Variants in PCDH9 observed in about 807,000 individuals in gnomAD.
PCDH9 encodes the protein protocadherin-9.
PCDH9 carries 24 observed loss-of-function variants against 70.6 expected under a neutral mutation model. That is an observed-to-expected ratio of 0.34 (90% CI 0.25 to 0.48). PCDH9 has a LOEUF of 0.48. Among genes scored for constraint, PCDH9 ranks in the 20% least tolerant of loss-of-function variants. PCDH9 has a pLI of 0.99. For synonymous variants in PCDH9, 562 were observed against 558.5 expected, an observed-to-expected ratio of 1.01 and a Z score of -0.09; for missense variants, 1,281 against 1,503.6, an observed-to-expected ratio of 0.85 and a Z score of 2.45.
At position 67,167,015 on chromosome 13, in the gene PCDH9, C is replaced by T. The variant is rs117775014; in HGVS notation, c.3036+58390G>A. 1.6e-3 allele frequency among the ~76,000 whole-genome samples: 241 copies of T among 152,280 alleles called. 2 individuals carry two copies. Among genetic ancestry groups the T allele is most frequent in the Admixed American group, 4.8e-3 (73 of 15,294 alleles). On this transcript the variant is annotated intron_variant, in intron 2 of 4. Coordinates refer to ENST00000377865, the MANE Select transcript of PCDH9 (RefSeq NM_203487.3). ...TTAGATCTGACTTCTTGTTCTACAA[C>T]GATAACCTTCCTTGTTATATCTTAC...
chr13:66,589,920 A>T (rs1303487331), intron 4 of PCDH9, among the ~76,000 whole-genome samples: 3 of 152,062 alleles, frequency 2.0e-5, no homozygotes, highest in African/African-American at 7.2e-5. Flanking sequence ...TTTTTCTTTT[A>T]AATATTAGTA....
At chr13:66,737,228 G>C (rs1310219465) in intron 3 of PCDH9, among the ~76,000 whole-genome samples, 2 of 151,916 alleles carry the variant, frequency 1.3e-5, no homozygotes, top group East Asian at 3.9e-4. Flanking sequence ...ATAAAAACAC[G>C]TGATTGCTTG....
chr13:67,103,644 A>C (rs980237561), intron 2 of PCDH9, among the ~76,000 whole-genome samples: 8 of 152,126 alleles, frequency 5.3e-5, no homozygotes, highest in Non-Finnish European at 7.3e-5. Flanking sequence ...ATAAACCTAT[A>C]CTACTTTTAC....
At chr13:66,952,806 C>T (rs1412943869) in intron 2 of PCDH9, among the ~76,000 whole-genome samples, 2 of 152,070 alleles carry the variant, frequency 1.3e-5, no homozygotes, top group Admixed American at 1.3e-4. Context: ...GGGCACGGAA[C>T]TTAGGTTCTT....
chr13:67,224,005 G>C (rs1271710549), intron 2 of PCDH9: 2 of 152,076 alleles, frequency 1.3e-5, no homozygotes, highest in Non-Finnish European at 2.9e-5. Context: ...ATGATAGTTG[G>C]TAAGGGGGAA....
chr13:66,428,944 A>G (rs1957719916), intron 4 of PCDH9, among the ~76,000 whole-genome samples: 5 of 151,840 alleles, frequency 3.3e-5, no homozygotes, highest in Admixed American at 3.3e-4. Context: ...ATTTAGTGTA[A>G]TAATGGCCAT....
chr13:66,957,060 T>C (rs958458687), intron 2 of PCDH9, among the ~76,000 whole-genome samples: 4 of 152,216 alleles, frequency 2.6e-5, no homozygotes, highest in Non-Finnish European at 5.9e-5. Flanking sequence ...CAATTTAACA[T>C]AACAATGCTT....
intron 2 of PCDH9, among the ~76,000 whole-genome samples, chr13:66,938,843 A>G (rs919874728): frequency 6.6e-6 from 1 of 152,180 alleles, no homozygotes; most frequent in South Asian, 2.1e-4. Context: ...ATATATGTAG[A>G]TCATTTTAAA....
intron 4 of PCDH9, among the ~76,000 whole-genome samples, chr13:66,364,429 A>G (rs1956520968): frequency 6.6e-6 from 1 of 152,198 alleles, no homozygotes; most frequent in African/African-American, 2.4e-5. Flanking sequence ...TACTGACTGT[A>G]ATTGGTGAAT....
At chr13:67,003,688 A>C (rs2084290381) in intron 2 of PCDH9, among the ~76,000 whole-genome samples, 1 of 152,192 alleles carries the variant, frequency 6.6e-6, no homozygotes, top group African/African-American at 2.4e-5. Flanking sequence ...TACTTTGTGC[A>C]CTGCCAAAGA....
At chr13:66,988,725 C>G (rs2083942354) in intron 2 of PCDH9, among the ~76,000 whole-genome samples, 1 of 151,896 alleles carries the variant, frequency 6.6e-6, no homozygotes, top group African/African-American at 2.4e-5. Flanking sequence ...GGACAGTCAT[C>G]TATTCTTATT....
intron 4 of PCDH9, among the ~76,000 whole-genome samples, chr13:66,380,180 T>C (rs1366024125): frequency 1.3e-5 from 2 of 152,176 alleles, no homozygotes; most frequent in African/African-American, 4.8e-5. Context: ...GGCAGCGATA[T>C]AGATTTTAAT....
chr13:66,658,479 C>T (rs1426862732), intron 3 of PCDH9, among the ~76,000 whole-genome samples: 24 of 152,010 alleles, frequency 1.6e-4, no homozygotes, highest in South Asian at 4.1e-4. Context: ...TGTCCTTCCT[C>T]AAAACTTTCA....
At chr13:66,596,259 G>A (rs1566445091) in intron 4 of PCDH9, among the ~76,000 whole-genome samples, 1 of 151,478 alleles carries the variant, frequency 6.6e-6, no homozygotes, top group Non-Finnish European at 1.5e-5. Context: ...TGTTATTACA[G>A]GCCTTCATTA....
intron 3 of PCDH9, among the ~76,000 whole-genome samples, chr13:66,740,615 G>C (rs1038153128): frequency 1.7e-4 from 26 of 149,610 alleles, no homozygotes; most frequent in African/African-American, 5.8e-4. Context: ...AAGAAAAAAA[G>C]AGAGAAGAAT....
At chr13:66,600,799 A>G (rs909096418) in intron 4 of PCDH9, among the ~76,000 whole-genome samples, 1 of 122,182 alleles carries the variant, frequency 8.2e-6, no homozygotes, top group African/African-American at 3.0e-5. Context: ...TGTGTGTGTA[A>G]GGGAGTTAAT....
At position 66,391,907 on chromosome 13, in the gene PCDH9, T is replaced by TA. The variant is rs1250901199; in HGVS notation, c.3341-86880_3341-86879insT. Among the ~76,000 whole-genome samples the TA allele has an allele frequency of 2.7e-5, 4 of 150,048 alleles. No homozygotes were observed. The Admixed American group carries it at 2.7e-4, about 10-fold the overall frequency. ...GCATATATATATATATATATATATG[T>TA]TTGTGCATACATACACACAATCACA... On this transcript the variant is annotated intron_variant, in intron 4 of 4. Transcript: ENST00000377865.
chr13:66,852,946 T>G (rs914489695), intron 3 of PCDH9, among the ~76,000 whole-genome samples: 10 of 151,892 alleles, frequency 6.6e-5, no homozygotes, highest in African/African-American at 2.4e-4. Flanking sequence ...ACACTGAAAT[T>G]TGAGACACAG....
intron 4 of PCDH9, among the ~76,000 whole-genome samples, chr13:66,385,262 T>A (rs1404640514): frequency 6.6e-6 from 1 of 152,156 alleles, no homozygotes; most frequent in African/African-American, 2.4e-5. Context: ...AGTACCCTGT[T>A]TTAAAACTTC....
Sources: gnomAD v4.1 joint callset for allele counts (sites outside exome capture counted in the v4.1 genomes callset) on GRCh38, gnomAD v4.1.1 for gene constraint, MANE v1.5 for transcripts, NCBI Gene and HGNC (gene_info 2026-07-23, HGNC 2026-07-21) for gene names.